The following ZNF727 variants were observed in gnomAD, a reference collection of about 807,000 sequenced individuals.
ZNF727 encodes the protein putative zinc finger protein 727.
ZNF727 carries 11 observed loss-of-function variants against 11.5 expected under a neutral mutation model. The observed-to-expected ratio is 0.95, with a 90% CI of 0.60 to 1.58. ZNF727 has a LOEUF of 1.58. Among genes scored for constraint, ZNF727 ranks in the 40% most tolerant of loss-of-function variants. The pLI is 0.00. For synonymous variants in ZNF727, 171 were observed against 196.1 expected (o/e 0.87, Z 1.07); for missense variants, 533 against 581.7 (o/e 0.92, Z 0.86).
rs530688208 is a variant in ZNF727 at position 64,064,922 on chromosome 7, G to T, written c.4-3969G>T. 2.1e-3 allele frequency among the ~76,000 whole-genome samples: 313 copies of T among 152,236 alleles called. 5 individuals are homozygous for T. The Middle Eastern group carries it at 0.048, about 23-fold the overall frequency. Reference sequence around the variant, plus strand: ...GCCTCTGCCAAGGTGCATTTCCAGGGAATGGAGGAGGGCTGCTATTGGCAA... The same window carrying T: ...GCCTCTGCCAAGGTGCATTTCCAGGTAATGGAGGAGGGCTGCTATTGGCAA... On this transcript the variant is annotated intron_variant, in intron 1 of 3. Coordinates refer to ENST00000456806, the MANE Select transcript of ZNF727 (RefSeq NM_001159522.3).
intron 3 of ZNF727, among the ~76,000 whole-genome samples, chr7:64,073,516 G>A (rs10224492): frequency 0.78 from 118,309 of 151,614 alleles, 46,363 homozygotes; most frequent in African/African-American, 0.84. Flanking sequence ...CATCTTTGTC[G>A]GATAATGCAA....
At chr7:64,063,474 A>G (rs1789809734) in intron 1 of ZNF727, among the ~76,000 whole-genome samples, 7 of 151,454 alleles carry the variant, frequency 4.6e-5, no homozygotes, top group South Asian at 2.1e-4. Flanking sequence ...TGCCAAATAA[A>G]TGGAATCTCT....
At chr7:64,050,776 A>ATGTGTGTG (rs10609208) in intron 1 of ZNF727, among the ~76,000 whole-genome samples, 13 of 148,464 alleles carry the variant, frequency 8.8e-5, no homozygotes, top group African/African-American at 3.0e-4. Flanking sequence ...ATGCATATGT[A>ATGTGTGTG]TGTGTGTGTG....
chr7:64,050,046 A>C (rs1024821970), intron 1 of ZNF727, among the ~76,000 whole-genome samples: 1 of 151,922 alleles, frequency 6.6e-6, no homozygotes, highest in Non-Finnish European at 1.5e-5. Flanking sequence ...TAAAAGCAAT[A>C]AACTTTCTAC....
At chr7:64,069,405 A>G in intron 2 of ZNF727, 109 bp from the exon 3 acceptor site, 2 of 959,088 alleles carry the variant, frequency 2.1e-6, no homozygotes, top group Non-Finnish European at 3.1e-6. Context: ...GATTGGAATT[A>G]ATTTTCTAGA....
chr7:64,056,312 T>G (rs942282642), intron 1 of ZNF727, among the ~76,000 whole-genome samples: 1 of 152,196 alleles, frequency 6.6e-6, no homozygotes, highest in Non-Finnish European at 1.5e-5. Flanking sequence ...GGCACTATTC[T>G]AAGAAGTGCT....
At chr7:64,057,286 G>A (rs964999533) in intron 1 of ZNF727, among the ~76,000 whole-genome samples, 1 of 152,050 alleles carries the variant, frequency 6.6e-6, no homozygotes, top group African/African-American at 2.4e-5. Flanking sequence ...ATTCACAATG[G>A]CAAAGACATG....
At chr7:64,059,348 T>G (rs1789736009) in intron 1 of ZNF727, among the ~76,000 whole-genome samples, 1 of 152,238 alleles carries the variant, frequency 6.6e-6, no homozygotes, top group South Asian at 2.1e-4. Flanking sequence ...GTGTAACTGA[T>G]TAATTTTTTT....
chr7:64,078,472 A>G lies in ZNF727; in HGVS notation c.1423A>G (p.Thr475Ala). The G allele has an allele frequency of 1.3e-6, 2 of 1,568,370 alleles. No individual in the cohort carries two copies. Among genetic ancestry groups the G allele is most frequent in the East Asian group, 2.4e-5 (1 of 41,906 alleles). ...CCTTATTAAACACAAGAGAAGTCATACTGGAGACAGACCTACAAGTGCAAA... is the reference window on the plus strand; with the variant it reads ...CCTTATTAAACACAAGAGAAGTCATGCTGGAGACAGACCTACAAGTGCAAA... ...SSLIKHKRSH[T>A]GDRPTSAKNV... Residue 475 changes from threonine to alanine, a missense_variant, in exon 4 of 4, where the codon ACT (threonine) becomes GCT (alanine). Around this residue, in one of 3 missense-constraint regions of ZNF727, gnomAD observed 54 missense variants for 48.6 expected, o/e 1.11. Coordinates refer to ENST00000456806, the MANE Select transcript of ZNF727 (RefSeq NM_001159522.3).
At position 64,082,245 on chromosome 7, in the gene ZNF727, T is replaced by A. The variant is rs1413879640; in HGVS notation, c.*3696T>A. 6.6e-6 allele frequency among the ~76,000 whole-genome samples: 1 copy of A among 152,146 alleles called. No individual in the cohort carries two copies. Among genetic ancestry groups the A allele is most frequent in the Non-Finnish European group, 1.5e-5 (1 of 68,034 alleles). ...GCTACTGGCTCAATAGCTCTGGCAA[T>A]GATTGGCTAGTGGCCCAGGCCTGGA... On this transcript the variant is annotated 3_prime_UTR_variant, in exon 4 of 4. Coordinates refer to ENST00000456806, the MANE Select transcript of ZNF727 (RefSeq NM_001159522.3).
At chr7:64,055,416 C>CAG (rs1554349199) in intron 1 of ZNF727, among the ~76,000 whole-genome samples, 3 of 147,402 alleles carry the variant, frequency 2.0e-5, no homozygotes, top group Non-Finnish European at 4.5e-5. Flanking sequence ...GACTTCATCT[C>CAG]AAAAAAAAAA....
Position 64,081,765 on chromosome 7 carries a change from C to T in ZNF727, c.*3216C>T, listed in dbSNP as rs1378548395. On this transcript the variant is annotated 3_prime_UTR_variant, in exon 4 of 4. Transcript: ENST00000456806. ...CCTGCAGAAATTAGGTCCAACAGTT[C>T]CCCTAGGGCTAAAGTCTCTTATGGG... 6.6e-6 allele frequency among the ~76,000 whole-genome samples: 1 copy of T among 152,130 alleles called. No individual in the cohort carries two copies. The highest frequency in any genetic ancestry group is 1.5e-5 in the Non-Finnish European group (1 of 68,026).
rs895372755 is a variant in ZNF727 at position 64,083,867 on chromosome 7, T to G, written c.*5318T>G. On this transcript the variant is annotated 3_prime_UTR_variant, in exon 4 of 4. Transcript: ENST00000456806. ...GTTTCAGTTGAAGGTGCTGTATCTA[T>G]GCACACCTTGCATTCTTCTCTGTGA... Among the ~76,000 whole-genome samples the G allele has an allele frequency of 1.3e-5, 2 of 152,232 alleles. No homozygotes were observed. Among genetic ancestry groups the G allele is most frequent in the Non-Finnish European group, 2.9e-5 (2 of 68,032 alleles).
chr7:64,049,443 T>A (rs1195568435), intron 1 of ZNF727, among the ~76,000 whole-genome samples: 1 of 152,072 alleles, frequency 6.6e-6, no homozygotes, highest in African/African-American at 2.4e-5. Flanking sequence ...CTTATTTTCC[T>A]TGTACACTCT....
intron 2 of ZNF727, 103 bp from the exon 3 acceptor site, chr7:64,069,411 C>G: frequency 1.0e-6 from 1 of 977,604 alleles, no homozygotes; most frequent in Non-Finnish European, 1.5e-6. Flanking sequence ...AATTAATTTT[C>G]TAGAGTCTTC....
chr7:64,058,950 C>CTTTTTTTTTTTTTT (rs560995822), intron 1 of ZNF727, among the ~76,000 whole-genome samples: 7 of 145,402 alleles, frequency 4.8e-5, no homozygotes, highest in African/African-American at 1.8e-4. Flanking sequence ...ATTGCATTGT[C>CTTTTTTTTTTTTTT]TTTTTTTTTT....
At position 64,062,154 on chromosome 7, in the gene ZNF727, T is replaced by C. The variant is rs541998864; in HGVS notation, c.4-6737T>C. Among the ~76,000 whole-genome samples, 7 of 152,186 alleles carry C rather than the reference T, an allele frequency of 4.6e-5. No homozygotes were observed. The South Asian group carries it at 1.5e-3, about 32-fold the overall frequency. On this transcript the variant is annotated intron_variant, in intron 1 of 3. Coordinates refer to ENST00000456806, the MANE Select transcript of ZNF727 (RefSeq NM_001159522.3). ...GGCCTTAAGGAGGTAGAGAAAGAGT[T>C]ATTTTTTTTAATAATTATAAGTATG...
rs1267911760 is a variant in ZNF727 at position 64,078,182 on chromosome 7, A to C, written c.1133A>C (p.Lys378Thr). ...YKCEECGKTF[K>T]WFSDLTNHKR... is the part of the protein sequence containing the mutation. ...TGTGAAGAATGTGGCAAAACCTTTA[A>C]GTGGTTCTCAGACCTGACTAATCAT... The change falls in exon 4 of 4, where the codon AAG (lysine) becomes ACG (threonine). Residue 378 changes from lysine to threonine, a missense_variant. By Grantham distance (78) the Lys-to-Thr change is moderately conservative (BLOSUM62 -1). Transcript: ENST00000456806. 6.3e-7 allele frequency: 1 copy of C among 1,595,540 alleles called. No individual in the cohort carries two copies. Among genetic ancestry groups the C allele is most frequent in the African/African-American group, 1.4e-5 (1 of 73,818 alleles).
At chr7:64,074,332 A>G (rs1790008027) in intron 3 of ZNF727, among the ~76,000 whole-genome samples, 1 of 152,144 alleles carries the variant, frequency 6.6e-6, no homozygotes, top group African/African-American at 2.4e-5. Context: ...TGAATTCTCT[A>G]AATCTTCAGT....
Sources: gnomAD v4.1 joint callset for allele counts (sites outside exome capture counted in the v4.1 genomes callset) on GRCh38, gnomAD v4.1.1 for gene constraint, gnomAD v4.1.1 regional missense constraint, MANE v1.5 for transcripts, NCBI Gene and HGNC (gene_info 2026-07-23, HGNC 2026-07-21) for gene names.